AGBL1: variants seen among roughly 807,000 people sequenced by gnomAD.
AGBL1 encodes cytosolic carboxypeptidase 4.
In AGBL1, 130 loss-of-function variants were observed where a neutral mutation model predicts 118.9. That is an observed-to-expected ratio of 1.09 (90% CI 0.95 to 1.26). The LOEUF (loss-of-function observed/expected upper bound fraction) is 1.26. Ranked by LOEUF, AGBL1 falls within the 50% of genes most tolerant of loss-of-function variation. The pLI is 0.00. For synonymous variants in AGBL1, 555 were observed against 478.9 expected, an observed-to-expected ratio of 1.16 and a Z score of -2.08; for missense variants, 1,584 against 1,298.1, an observed-to-expected ratio of 1.22 and a Z score of -3.38.
intron 22 of AGBL1, among the ~76,000 whole-genome samples, chr15:86,731,152 G>T (rs1282543921): frequency 6.6e-6 from 1 of 152,064 alleles, no homozygotes; most frequent in East Asian, 1.9e-4. Context: ...CAAATCAGGG[G>T]TCAAAAAGAG....
At chr15:86,216,420 T>G (rs555197661) in intron 5 of AGBL1, among the ~76,000 whole-genome samples, 119 of 152,326 alleles carry the variant, frequency 7.8e-4, no homozygotes, top group African/African-American at 2.8e-3. Context: ...CTTTATCAGT[T>G]TGAGGAAGTT....
At chr15:86,950,269 T>TA (rs2080866117) in intron 23 of AGBL1, among the ~76,000 whole-genome samples, 1 of 150,582 alleles carries the variant, frequency 6.6e-6, no homozygotes, top group Admixed American at 6.6e-5. Flanking sequence ...CAAATAAAGT[T>TA]AAAACAAGAA....
chr15:86,524,467 A>G (rs1438929318), intron 19 of AGBL1, among the ~76,000 whole-genome samples: 1 of 152,204 alleles, frequency 6.6e-6, no homozygotes, highest in Admixed American at 6.5e-5. Context: ...AGATACACAG[A>G]CAGTGCTTGA....
chr15:86,851,352 C>G (rs968640249), intron 22 of AGBL1, among the ~76,000 whole-genome samples: 1 of 152,138 alleles, frequency 6.6e-6, no homozygotes, highest in Admixed American at 6.6e-5. Context: ...CTCTGCCCAC[C>G]TAACCCTGTA....
intron 22 of AGBL1, among the ~76,000 whole-genome samples, chr15:86,731,782 AG>A (rs1233730233): frequency 1.1e-4 from 16 of 152,234 alleles, no homozygotes; most frequent in Non-Finnish European, 1.8e-4. Flanking sequence ...CTTGAAGTAA[AG>A]CTTGCTTATG....
chr15:86,307,641 C>T (rs1218153911), intron 17 of AGBL1, among the ~76,000 whole-genome samples: 1 of 151,894 alleles, frequency 6.6e-6, no homozygotes, highest in East Asian at 1.9e-4. Context: ...GTGGCGTGTG[C>T]CTGTAGTCCC....
At chr15:86,542,551 A>G (rs1054988602) in intron 19 of AGBL1, among the ~76,000 whole-genome samples, 4 of 151,922 alleles carry the variant, frequency 2.6e-5, no homozygotes, top group Non-Finnish European at 5.9e-5. Context: ...TATTTTTAGT[A>G]GAGACAGGGT....
chr15:86,256,876 G>T lies in AGBL1; in HGVS notation c.759G>T (p.Met253Ile), dbSNP rs746334255. The T allele has an allele frequency of 3.7e-6, 6 of 1,613,798 alleles. No individual in the cohort carries two copies. The East Asian group carries it at 1.3e-4, about 36-fold the overall frequency. The stretch of plus-strand genomic sequence containing the variant: ...AGAACTGCCTGGATGACAAGAGCAT[G>T]GAGCCCGTCATCTCTGTGGTGCTTC... ...TTQNCLDDKSMEPVISVVLQI... is the reference protein window; with the variant it reads ...TTQNCLDDKSIEPVISVVLQI... The change falls in exon 8 of 23, where the codon ATG becomes ATT. Residue 253 changes from methionine (M) to isoleucine (I), a missense_variant. By Grantham distance (10) the Met-to-Ile change is conservative (BLOSUM62 1). Coordinates refer to ENST00000614907, the MANE Select transcript of AGBL1 (RefSeq NM_001386094.1).
intron 7 of AGBL1, among the ~76,000 whole-genome samples, chr15:86,251,515 C>G (rs1706483498): frequency 6.6e-6 from 1 of 152,202 alleles, no homozygotes; most frequent in Admixed American, 6.5e-5. Flanking sequence ...GATGTGCTGA[C>G]AAACCTACTG....
chr15:86,364,958 C>CATATAT (rs72116454), intron 17 of AGBL1, among the ~76,000 whole-genome samples: 1,264 of 76,076 alleles, frequency 0.017, 39 homozygotes, highest in East Asian at 0.081. Flanking sequence ...ATATGTCACA[C>CATATAT]ATATATATAT....
chr15:86,956,753 A>G (rs1369118373), intron 23 of AGBL1, among the ~76,000 whole-genome samples: 1 of 152,176 alleles, frequency 6.6e-6, no homozygotes, highest in Non-Finnish European at 1.5e-5. Context: ...AAAATTAATC[A>G]TCACATATGC....
intron 22 of AGBL1, among the ~76,000 whole-genome samples, chr15:86,888,244 G>T (rs534777143): frequency 1.3e-5 from 2 of 152,010 alleles, no homozygotes; most frequent in Non-Finnish European, 2.9e-5. Context: ...CCGGTGATGG[G>T]TCTGATTGTA....
chr15:86,751,626 C>G (rs988873508), intron 22 of AGBL1, among the ~76,000 whole-genome samples: 1 of 152,120 alleles, frequency 6.6e-6, no homozygotes, highest in Non-Finnish European at 1.5e-5. Flanking sequence ...CTCCAAGTCA[C>G]ATTGATCAGT....
chr15:86,529,831 A>G (rs1444823787), intron 19 of AGBL1, among the ~76,000 whole-genome samples: 1 of 149,688 alleles, frequency 6.7e-6, no homozygotes, highest in Non-Finnish European at 1.5e-5. Flanking sequence ...AGAATTTTCA[A>G]CCCAGAATTT....
chr15:86,395,952 G>C (rs995454410), intron 17 of AGBL1, among the ~76,000 whole-genome samples: 2 of 151,576 alleles, frequency 1.3e-5, no homozygotes, highest in African/African-American at 4.8e-5. Context: ...AAAAGGCTAC[G>C]GCTTTTTAGA....
chr15:86,458,769 G>T (rs1339233860), intron 18 of AGBL1, among the ~76,000 whole-genome samples: 2 of 152,136 alleles, frequency 1.3e-5, no homozygotes, highest in African/African-American at 4.8e-5. Flanking sequence ...GGTTACCCTA[G>T]GTTGCAGGAG....
In AGBL1 at chr15:86,911,009, CA is replaced by C. The variant is rs1185810251; in HGVS notation, c.*3716del. On this transcript the variant is annotated 3_prime_UTR_variant, in exon 23 of 23. Coordinates refer to ENST00000614907, the MANE Select transcript of AGBL1 (RefSeq NM_001386094.1). ...CAAGCCAGGACTTTCTCTTGCTGGC[CA>C]GACCACTTCAGTGAATTGTTGGGAT... 2.6e-5 allele frequency: 4 copies of C among 152,196 alleles called. No individual in the cohort carries two copies. Among genetic ancestry groups the C allele is most frequent in the Non-Finnish European group, 4.4e-5 (3 of 68,070 alleles). The allele number at this position is 152,196 out of a possible 1,614,324, so 9.4% of individuals were successfully genotyped here.
chr15:86,371,442 C>A (rs1417518755), intron 17 of AGBL1, among the ~76,000 whole-genome samples: 1 of 152,088 alleles, frequency 6.6e-6, no homozygotes, highest in African/African-American at 2.4e-5. Context: ...ACAGCCTGTC[C>A]TCTGCATGTA....
intron 21 of AGBL1, 30 bp from the exon 22 acceptor site, chr15:86,674,243 G>A: frequency 6.3e-7 from 1 of 1,584,374 alleles, no homozygotes. Flanking sequence ...ATTATACGTT[G>A]CCACAGTTAA....
Sources: gnomAD v4.1 joint callset for allele counts (sites outside exome capture counted in the v4.1 genomes callset) on GRCh38, gnomAD v4.1.1 for gene constraint, MANE v1.5 for transcripts, NCBI Gene and HGNC (gene_info 2026-07-23, HGNC 2026-07-21) for gene names.